Variants in ALK observed in about 807,000 individuals in gnomAD.
ALK encodes the protein ALK receptor tyrosine kinase.
In ALK, 74 loss-of-function variants were observed where a neutral mutation model predicts 163.1. The observed-to-expected ratio is 0.45, with a 90% CI of 0.38 to 0.55. ALK has a LOEUF of 0.55. Among genes scored for constraint, ALK ranks in the 20% least tolerant of loss-of-function variants. ALK has a pLI of 0.00. For synonymous variants in ALK, 960 were observed against 843.2 expected, an observed-to-expected ratio of 1.14 and a Z score of -2.40; for missense variants, 2,063 against 2,105.3, an observed-to-expected ratio of 0.98 and a Z score of 0.39.
chr2:29,267,121 C>T (rs928989673), intron 11 of ALK, among the ~76,000 whole-genome samples: 5 of 152,012 alleles, frequency 3.3e-5, no homozygotes, highest in African/African-American at 9.7e-5. Context: ...CCCCTCGTCC[C>T]CACACTAGCT....
chr2:29,789,514 G>A (rs1474512137), intron 1 of ALK, among the ~76,000 whole-genome samples: 2 of 152,216 alleles, frequency 1.3e-5, no homozygotes, highest in African/African-American at 4.8e-5. Flanking sequence ...CTGTGCTGGT[G>A]AAATGAAGTG....
intron 3 of ALK, among the ~76,000 whole-genome samples, chr2:29,658,382 C>A (rs1677251193): frequency 6.6e-6 from 1 of 152,190 alleles, no homozygotes. Flanking sequence ...GAAAGCTGGG[C>A]TTCTCTTACC....
At chr2:29,619,174 A>G (rs565243694) in intron 3 of ALK, among the ~76,000 whole-genome samples, 4 of 152,318 alleles carry the variant, frequency 2.6e-5, no homozygotes, top group Admixed American at 1.3e-4. Flanking sequence ...ACTGATCACA[A>G]GGGTGATCTG....
chr2:29,697,324 A>G (rs1318128280), intron 2 of ALK, among the ~76,000 whole-genome samples: 1 of 152,046 alleles, frequency 6.6e-6, no homozygotes, highest in East Asian at 1.9e-4. Context: ...GTGTTTGGGG[A>G]GGGTCATTGG....
At chr2:29,877,084 C>A (rs767180803) in intron 1 of ALK, among the ~76,000 whole-genome samples, 10 of 152,172 alleles carry the variant, frequency 6.6e-5, no homozygotes, top group African/African-American at 2.4e-4. Flanking sequence ...AGAGGTTCAA[C>A]GAAGTAATTT....
rs1311341769 is a variant in ALK, at chr2:29,207,327, T to A, written c.3837-55A>T. 4 of 1,383,212 alleles carry A rather than the reference T, an allele frequency of 2.9e-6. No individual in the cohort carries two copies. The African/African-American group carries it at 5.7e-5, about 20-fold the overall frequency. The allele number at this position is 1,383,212 out of a possible 1,614,324, so 85.7% of individuals were successfully genotyped here. A position where few individuals can be genotyped will look rare whatever the true frequency, so the allele number is the denominator to read the frequency against. ...GGATCTGGAGATGGCATTAAGCATC[T>A]GCCCTGCTGGGAAAGTTGAGAAAGT... On this transcript the variant is annotated intron_variant, in intron 25 of 28. Transcript: ENST00000389048.
At chr2:29,431,369 AAGG>A (rs1251943106) in intron 4 of ALK, among the ~76,000 whole-genome samples, 5 of 152,204 alleles carry the variant, frequency 3.3e-5, no homozygotes, top group Non-Finnish European at 7.4e-5. Context: ...CTAATGGGTT[AAGG>A]AGGAGATGGG....
At chr2:29,751,890 T>C (rs1680375514) in intron 1 of ALK, among the ~76,000 whole-genome samples, 1 of 152,170 alleles carries the variant, frequency 6.6e-6, no homozygotes, top group Admixed American at 6.5e-5. Flanking sequence ...GAGATACTGG[T>C]TAAGGATGAC....
intron 4 of ALK, among the ~76,000 whole-genome samples, chr2:29,452,332 GTTTTTTTTTTT>G (rs66533654): frequency 6.2e-5 from 9 of 146,108 alleles, no homozygotes; most frequent in East Asian, 2.0e-4. Context: ...AGTTTTTTTT[GTTTTTTTTTTT>G]TTTTTTTTCT....
chr2:29,465,936 A>G (rs1671200316), intron 4 of ALK, among the ~76,000 whole-genome samples: 2 of 152,234 alleles, frequency 1.3e-5, no homozygotes, highest in Admixed American at 6.5e-5. Context: ...TATTACAATA[A>G]TAGCACAAAG....
At chr2:29,879,572 G>A (rs1438742871) in intron 1 of ALK, among the ~76,000 whole-genome samples, 1 of 152,220 alleles carries the variant, frequency 6.6e-6, no homozygotes, top group Non-Finnish European at 1.5e-5. Flanking sequence ...CATGTCCTAG[G>A]AGACTGACAG....
chr2:29,433,294 A>C (rs1301860346), intron 4 of ALK, among the ~76,000 whole-genome samples: 6 of 152,130 alleles, frequency 3.9e-5, no homozygotes, highest in African/African-American at 1.4e-4. Flanking sequence ...ATTCTGATTC[A>C]TTAGTGTAGG....
At chr2:29,872,827 G>C (rs764214138) in intron 1 of ALK, among the ~76,000 whole-genome samples, 2 of 152,142 alleles carry the variant, frequency 1.3e-5, no homozygotes, top group Non-Finnish European at 2.9e-5. Flanking sequence ...CTCTGCCATA[G>C]ATCTGCCCAA....
intron 1 of ALK, among the ~76,000 whole-genome samples, chr2:29,732,868 C>T (rs1215361387): frequency 6.6e-6 from 1 of 150,736 alleles, no homozygotes; most frequent in Non-Finnish European, 1.5e-5. Flanking sequence ...GAACAATAAA[C>T]TTCTGTTGTT....
At chr2:29,607,340 C>T (rs1675568055) in intron 3 of ALK, among the ~76,000 whole-genome samples, 1 of 152,184 alleles carries the variant, frequency 6.6e-6, no homozygotes, top group African/African-American at 2.4e-5. Flanking sequence ...GATCATCTCT[C>T]TAAGCATAGA....
At chr2:29,729,887 C>T (rs1387875993) in intron 1 of ALK, among the ~76,000 whole-genome samples, 2 of 152,122 alleles carry the variant, frequency 1.3e-5, no homozygotes, top group Non-Finnish European at 2.9e-5. Flanking sequence ...CCAGAGAAGC[C>T]AGTGTTAACA....
intron 4 of ALK, among the ~76,000 whole-genome samples, chr2:29,508,448 A>C (rs1390584484): frequency 6.6e-6 from 1 of 152,098 alleles, no homozygotes; most frequent in Non-Finnish European, 1.5e-5. Flanking sequence ...TCGCAGGGAC[A>C]AAAAACCAAA....
In ALK at chr2:29,220,746, C is replaced by T. The variant is rs1244270149; in HGVS notation, c.3605G>A (p.Gly1202Glu). Residue 1202 changes from glycine (G) to glutamate (E), a missense_variant, in exon 23 of 29, where the codon GGA (glycine) becomes GAA (glutamate). Around this residue, in one of 5 missense-constraint regions of ALK, gnomAD observed 575 missense variants for 626.6 expected, o/e 0.92. Transcript: ENST00000389048. ...RFILLELMAG[G>E]DLKSFLRETR... ...CTCTCGGAGGAAGGACTTGAGGTCT[C>T]CCCCCGCCATGAGCTCCAGCAGGAT... The T allele has an allele frequency of 4.3e-6, 7 of 1,613,556 alleles. No individual in the cohort carries two copies. The South Asian group carries it at 6.6e-5, about 15-fold the overall frequency.
In ALK at chr2:29,718,207, G is replaced by A. The variant is rs148238363; in HGVS notation, c.668-510C>T. On this transcript the variant is annotated intron_variant, in intron 1 of 28. Coordinates refer to ENST00000389048, the MANE Select transcript of ALK (RefSeq NM_004304.5). The stretch of plus-strand genomic sequence containing the variant: ...AATTATGTTATTGTCAGGGTTGTGG[G>A]GGAAGCTAGGTGACCGGAGTTTTCC... Among the ~76,000 whole-genome samples, 356 of 152,278 alleles carry A rather than the reference G, an allele frequency of 2.3e-3. 1 individual carries two copies. Among genetic ancestry groups the A allele is most frequent in the African/African-American group, 8.2e-3 (340 of 41,564 alleles).
Sources: allele counts gnomAD v4.1 joint callset (sites outside exome capture counted in the v4.1 genomes callset), GRCh38; gene constraint gnomAD v4.1.1; regional missense constraint gnomAD v4.1.1; transcripts MANE v1.5; gene names NCBI Gene and HGNC (gene_info 2026-07-23, HGNC 2026-07-21).